The following DNAH3 variants were observed in gnomAD, a reference collection of about 807,000 sequenced individuals.
DNAH3 encodes the protein dynein axonemal heavy chain 3, also known as axonemal beta dynein heavy chain 3.
Under a neutral mutation model 432.5 loss-of-function variants are expected in DNAH3, and 332 were observed. The ratio of observed to expected loss-of-function variants is 0.77; its 90% CI spans 0.70 to 0.84. DNAH3 has a LOEUF of 0.84. Among genes scored for constraint, DNAH3 ranks in the 40% least tolerant of loss-of-function variants. DNAH3 has a pLI of 0.00. For synonymous variants in DNAH3, 1,956 were observed against 1,900.2 expected (o/e 1.03, Z -0.76); for missense variants, 4,861 against 5,114.0 (o/e 0.95, Z 1.51).
intron 14 of DNAH3, among the ~76,000 whole-genome samples, chr16:21,107,186 C>A (rs2091967007): frequency 6.6e-6 from 1 of 151,796 alleles, no homozygotes; most frequent in Admixed American, 6.6e-5. Context: ...ACCACCACCA[C>A]CAGCAATTCA....
intron 1 of DNAH3, among the ~76,000 whole-genome samples, chr16:21,155,621 CAAAAAAAAAAA>C (rs369001374): frequency 2.6e-5 from 2 of 76,814 alleles, no homozygotes; most frequent in Non-Finnish European, 4.7e-5. Context: ...GACTCCGTCT[CAAAAAAAAAAA>C]AAAAAAAAAA....
At chr16:21,012,320 A>G (rs1046574123) in intron 41 of DNAH3, among the ~76,000 whole-genome samples, 1 of 152,230 alleles carries the variant, frequency 6.6e-6, no homozygotes, top group Admixed American at 6.5e-5. Flanking sequence ...AAAAGAGGAC[A>G]CAGTCTGTTA....
At chr16:20,972,642 T>C (rs2085395037) in intron 51 of DNAH3, among the ~76,000 whole-genome samples, 1 of 151,696 alleles carries the variant, frequency 6.6e-6, no homozygotes, top group South Asian at 2.1e-4. Flanking sequence ...CTGACAGGGA[T>C]CAGACCCACC....
At chr16:21,087,113 G>A (rs893254428) in intron 18 of DNAH3, 53 bp from the exon 19 acceptor site, 14 of 1,435,926 alleles carry the variant, frequency 9.7e-6, no homozygotes. Flanking sequence ...TGTTAGTCAT[G>A]CGTACCTTTA....
At position 21,022,114 on chromosome 16, in the gene DNAH3, C is replaced by A. The variant is rs776430355; in HGVS notation, c.5647-14G>T. On this transcript the variant is annotated splice_polypyrimidine_tract_variant and intron_variant, in intron 39 of 61. Coordinates refer to ENST00000261383, the Ensembl canonical transcript of DNAH3. The stretch of plus-strand genomic sequence containing the variant: ...CATGTCATTGACCTGAGAGTAGAAA[C>A]CTCCATGAGACTTGGAGACATGATC... 2 of 1,613,486 alleles carry A rather than the reference C, an allele frequency of 1.2e-6. No homozygotes were observed. The highest frequency in any genetic ancestry group is 2.2e-5 in the East Asian group (1 of 44,880).
chr16:21,038,671 T>C (rs528188054), intron 33 of DNAH3, among the ~76,000 whole-genome samples: 66 of 152,336 alleles, frequency 4.3e-4, no homozygotes, highest in African/African-American at 1.6e-3. Flanking sequence ...ACAGAACTGA[T>C]TTCCTTTAAA....
At chr16:21,040,381 T>G (rs2089383872) in intron 32 of DNAH3, among the ~76,000 whole-genome samples, 1 of 144,154 alleles carries the variant, frequency 6.9e-6, no homozygotes, top group Admixed American at 6.9e-5. Flanking sequence ...TTTTTTTTTT[T>G]TTTTTAAGAC....
intron 19 of DNAH3, among the ~76,000 whole-genome samples, chr16:21,085,000 G>C (rs575619493): frequency 1.3e-5 from 2 of 148,952 alleles, no homozygotes; most frequent in Admixed American, 1.4e-4. Context: ...TCCTAGTTAG[G>C]CTGGGTCCGT....
At chr16:21,104,350 G>C in intron 16 of DNAH3, 121 bp downstream of exon 16, 1 of 815,546 alleles carries the variant, frequency 1.2e-6, no homozygotes, top group African/African-American at 1.7e-5. Flanking sequence ...ATTGTTTTCA[G>C]ACTTCGCCCA....
chr16:21,105,966 G>T (rs907615416), intron 15 of DNAH3, among the ~76,000 whole-genome samples: 1 of 151,456 alleles, frequency 6.6e-6, no homozygotes, highest in African/African-American at 2.4e-5. Context: ...CGGATCATGA[G>T]GTCAAGAGAT....
chr16:21,048,595 G>T (rs1440892389), intron 31 of DNAH3, among the ~76,000 whole-genome samples: 1 of 152,166 alleles, frequency 6.6e-6, no homozygotes, highest in East Asian at 1.9e-4. Flanking sequence ...CGAGTGAGAT[G>T]AACCCGGTAC....
rs142180972 is a variant in DNAH3 at position 20,936,960 on chromosome 16, C to T, written c.11655-107G>A. The T allele has an allele frequency of 1.0e-3, 858 of 849,102 alleles. 3 individuals are homozygous for T. The African/African-American group carries it at 0.014, about 14-fold the overall frequency. The allele number at this position is 849,102 out of a possible 1,614,324, so 52.6% of individuals were successfully genotyped here. On this transcript the variant is annotated intron_variant, in intron 59 of 61. Coordinates refer to ENST00000261383, the Ensembl canonical transcript of DNAH3. ...AAATGTCAGTTAATTAATGCACAGTCATTAAATGAGGAAAAATTAAATCAC... is the reference window on the plus strand; with the variant it reads ...AAATGTCAGTTAATTAATGCACAGTTATTAAATGAGGAAAAATTAAATCAC...
At position 20,964,548 on chromosome 16, in the gene DNAH3, C is replaced by T. The variant is rs34622944; in HGVS notation, c.9336G>A (p.Met3112Ile). ...ACTGCAGCGCGTTTTCCAGCATCCT[C>T]ATGTAGTTGCTATCAGAGAACTTGA... is the stretch of plus-strand genomic sequence containing the variant. Residue 3112 changes from methionine to isoleucine, a missense_variant, in exon 53 of 62, where the codon ATG becomes ATA. Transcript: ENST00000261383. 2.6e-3 allele frequency: 4,142 copies of T among 1,614,184 alleles called. 26 individuals are homozygous for T. Among genetic ancestry groups the T allele is most frequent in the African/African-American group, 0.011 (798 of 75,040 alleles).
chr16:21,046,815 G>A (rs188599082), intron 31 of DNAH3, among the ~76,000 whole-genome samples: 140 of 152,108 alleles, frequency 9.2e-4, no homozygotes, highest in African/African-American at 3.1e-3. Flanking sequence ...GGCTGGTACC[G>A]GTTGTTCCTT....
intron 11 of DNAH3, among the ~76,000 whole-genome samples, chr16:21,118,809 G>A (rs1049334241): frequency 2.1e-4 from 32 of 152,156 alleles, no homozygotes; most frequent in African/African-American, 6.5e-4. Context: ...CTCATGGCAC[G>A]TGTGTGTCTC....
intron 16 of DNAH3, among the ~76,000 whole-genome samples, chr16:21,100,557 C>T (rs1445245962): frequency 2.0e-5 from 3 of 152,208 alleles, no homozygotes; most frequent in Non-Finnish European, 2.9e-5. Flanking sequence ...TTTGGTGAAA[C>T]ACAATGTCGG....
At chr16:21,120,217 C>T (rs1164890799) in intron 11 of DNAH3, among the ~76,000 whole-genome samples, 2 of 151,070 alleles carry the variant, frequency 1.3e-5, no homozygotes, top group African/African-American at 4.9e-5. Flanking sequence ...GATCCTCCTG[C>T]CTCAGCCTCC....
chr16:20,933,863 G>A (rs896347019), intron 61 of DNAH3, among the ~76,000 whole-genome samples: 2 of 152,190 alleles, frequency 1.3e-5, no homozygotes, highest in Non-Finnish European at 2.9e-5. Context: ...AGACAGACTG[G>A]ATAAACAGTT....
chr16:21,128,940 T>G (rs945526174), intron 7 of DNAH3, among the ~76,000 whole-genome samples: 3 of 149,450 alleles, frequency 2.0e-5, no homozygotes, highest in Non-Finnish European at 3.0e-5. Context: ...ACTGTGAGGG[T>G]GAAGAAAGGC....
Sources: allele counts gnomAD v4.1 joint callset (sites outside exome capture counted in the v4.1 genomes callset), GRCh38; gene constraint gnomAD v4.1.1; transcripts MANE v1.5; gene names NCBI Gene and HGNC (gene_info 2026-07-23, HGNC 2026-07-21).